Variants in MTCL3 observed in about 807,000 individuals in gnomAD.
The protein encoded by MTCL3 is MTCL family member 3.
chr6:127,500,988 A>G, the MTCL3 span, among the ~76,000 whole-genome samples: 1 of 152,032 alleles, frequency 6.6e-6, no homozygotes, highest in Non-Finnish European at 1.5e-5. Context: ...ATTTTTTTGT[A>G]TTTTTAGTAG....
the MTCL3 span, among the ~76,000 whole-genome samples, chr6:127,477,606 G>A: frequency 6.6e-6 from 1 of 152,300 alleles, no homozygotes; most frequent in South Asian, 2.1e-4. Context: ...GGAGAATAAT[G>A]AGCTTCTGCC....
chr6:127,514,990 C>G, the MTCL3 span: 1 of 1,614,176 alleles, frequency 6.2e-7, no homozygotes, highest in Non-Finnish European at 8.5e-7. Flanking sequence ...CAGGCATCCT[C>G]CTCGAAGAAA....
At chr6:127,492,784 A>C in the MTCL3 span, among the ~76,000 whole-genome samples, 2 of 152,184 alleles carry the variant, frequency 1.3e-5, no homozygotes, top group Non-Finnish European at 1.5e-5. Flanking sequence ...GGCCTCCCAA[A>C]GCGCTGGGAT....
At chr6:127,516,080 C>A in the MTCL3 span, 2 of 1,505,770 alleles carry the variant, frequency 1.3e-6, no homozygotes, top group Non-Finnish European at 1.8e-6. Flanking sequence ...TCCCCGGAGC[C>A]GCCGCCGGCT....
chr6:127,486,262 G>A, the MTCL3 span, among the ~76,000 whole-genome samples: 2 of 152,130 alleles, frequency 1.3e-5, no homozygotes, highest in Non-Finnish European at 2.9e-5. Context: ...CCTTCCCCTT[G>A]AATAAAGATA....
chr6:127,481,481 G>A, the MTCL3 span: 182 of 985,272 alleles, frequency 1.8e-4, 2 homozygotes, highest in African/African-American at 2.9e-3. Context: ...CAAGTACCAG[G>A]AGAAAACAGA....
At chr6:127,516,206 C>G in the MTCL3 span, 1 of 1,432,584 alleles carries the variant, frequency 7.0e-7, no homozygotes. Flanking sequence ...GGCCTCCTGC[C>G]GCCCAAAGCG....
chr6:127,504,335 AAAT>A, the MTCL3 span, among the ~76,000 whole-genome samples: 4 of 152,216 alleles, frequency 2.6e-5, no homozygotes, highest in Non-Finnish European at 5.9e-5. Flanking sequence ...TCCTATTAGA[AAAT>A]AATTAACTTG....
chr6:127,482,230 C>T, the MTCL3 span, among the ~76,000 whole-genome samples: 1 of 152,128 alleles, frequency 6.6e-6, no homozygotes, highest in Non-Finnish European at 1.5e-5. This position sits in a 1 kb window ranked among gnomAD's most constrained non-coding sequence, Gnocchi z 4.1. Context: ...ATCCGAGAAC[C>T]CTCTCTTGGG....
the MTCL3 span, chr6:127,516,427 G>T: frequency 6.2e-7 from 1 of 1,600,212 alleles, no homozygotes. Flanking sequence ...TTTAGTGCCG[G>T]CCCCCACTGG....
At chr6:127,481,213 A>G in the MTCL3 span, 1 of 764,974 alleles carries the variant, frequency 1.3e-6, no homozygotes. Context: ...TAAGAATAGG[A>G]CAAATGTAGA....
the MTCL3 span, among the ~76,000 whole-genome samples, chr6:127,482,195 C>T: frequency 6.6e-6 from 1 of 152,114 alleles, no homozygotes; most frequent in South Asian, 2.1e-4. The surrounding 1 kb of genome is among the most constrained non-coding windows in gnomAD (Gnocchi z 4.1). Flanking sequence ...TCTATGGGCT[C>T]GCCCTGAATT....
the MTCL3 span, among the ~76,000 whole-genome samples, chr6:127,512,278 A>G: frequency 2.1e-4 from 32 of 152,280 alleles, no homozygotes; most frequent in East Asian, 4.8e-3. Flanking sequence ...TGAGCTGGCT[A>G]AAGTTGCAAT....
chr6:127,484,969 T>C, the MTCL3 span, among the ~76,000 whole-genome samples: 4 of 152,150 alleles, frequency 2.6e-5, no homozygotes, highest in Non-Finnish European at 5.9e-5. Flanking sequence ...CAGAAAGCTG[T>C]TGGAAAAGCA....
At chr6:127,515,054 C>T in the MTCL3 span, 1 of 1,612,412 alleles carries the variant, frequency 6.2e-7, no homozygotes, top group Non-Finnish European at 8.5e-7. The surrounding 1 kb of genome is among the most constrained non-coding windows in gnomAD (Gnocchi z 4.3). Flanking sequence ...CGTTCTGAGG[C>T]GGTGACAGGC....
the MTCL3 span, chr6:127,516,326 C>T: frequency 2.5e-6 from 4 of 1,595,654 alleles, no homozygotes; most frequent in Non-Finnish European, 1.7e-6. Flanking sequence ...CCTCCGCCTC[C>T]TCGGATGCTG....
the MTCL3 span, chr6:127,475,560 G>C: frequency 1.9e-6 from 3 of 1,610,276 alleles, no homozygotes; most frequent in Non-Finnish European, 2.5e-6. This position sits in a 1 kb window ranked among gnomAD's most constrained non-coding sequence, Gnocchi z 7.3. Context: ...CCAGGCGCTC[G>C]GCCTCCGAGC....
chr6:127,515,497 C>T, the MTCL3 span: 3 of 1,417,372 alleles, frequency 2.1e-6, no homozygotes, highest in Non-Finnish European at 2.8e-6. The surrounding 1 kb of genome is among the most constrained non-coding windows in gnomAD (Gnocchi z 4.3). Flanking sequence ...CCAGCCGGGT[C>T]CCCCCACCCT....
At chr6:127,501,626 A>T in the MTCL3 span, among the ~76,000 whole-genome samples, 1 of 152,250 alleles carries the variant, frequency 6.6e-6, no homozygotes, top group African/African-American at 2.4e-5. Context: ...TAACTGAGCT[A>T]GCCAGCAGAT....
Sources: allele counts gnomAD v4.1 joint callset (sites outside exome capture counted in the v4.1 genomes callset), GRCh38; gene constraint gnomAD v4.1.1; non-coding constraint Gnocchi (gnomAD v3.1); transcripts MANE v1.5; gene names NCBI Gene and HGNC (gene_info 2026-07-23, HGNC 2026-07-21).